Variants in LRBA observed in about 807,000 individuals in gnomAD.
LRBA encodes the protein LPS responsive beige-like anchor protein, also known as lipopolysaccharide-responsive and beige-like anchor protein.
LRBA carries 176 observed loss-of-function variants against 330.0 expected under a neutral mutation model. That is an observed-to-expected ratio of 0.53 (90% CI 0.47 to 0.60). The LOEUF is 0.60. Ranked by LOEUF, LRBA falls within the 20% of genes least tolerant of loss-of-function variation. The probability of loss-of-function intolerance (pLI) is 0.00; values close to 1 mark genes in which losing one functional copy is unlikely to be tolerated. For synonymous variants in LRBA, 1,230 were observed against 1,193.0 expected, an observed-to-expected ratio of 1.03 and a Z score of -0.64; for missense variants, 3,259 against 3,444.8, an observed-to-expected ratio of 0.95 and a Z score of 1.35.
chr4:150,386,575 T>C (rs535369116), intron 47 of LRBA, among the ~76,000 whole-genome samples: 27 of 152,148 alleles, frequency 1.8e-4, no homozygotes, highest in Admixed American at 2.6e-4. Context: ...GCTCCACCCA[T>C]GTCCCTGCAA....
intron 40 of LRBA, among the ~76,000 whole-genome samples, chr4:150,525,475 C>T (rs956119445): frequency 1.3e-5 from 2 of 152,086 alleles, no homozygotes; most frequent in Non-Finnish European, 1.5e-5. Context: ...GCTAGATAAA[C>T]GGCCTACCTG....
chr4:150,318,101 G>A (rs529193409), intron 50 of LRBA, among the ~76,000 whole-genome samples: 33 of 152,266 alleles, frequency 2.2e-4, no homozygotes, highest in South Asian at 8.3e-4. Flanking sequence ...CCAGTCAGTG[G>A]CAGAGTTTGA....
chr4:150,702,864 G>A (rs1785244851), intron 36 of LRBA, among the ~76,000 whole-genome samples: 1 of 152,054 alleles, frequency 6.6e-6, no homozygotes, highest in Non-Finnish European at 1.5e-5. Flanking sequence ...AATTTTCATA[G>A]AGATTTAAAT....
At chr4:150,957,468 G>C (rs1358594590) in intron 2 of LRBA, among the ~76,000 whole-genome samples, 1 of 148,558 alleles carries the variant, frequency 6.7e-6, no homozygotes, top group Non-Finnish European at 1.5e-5. Context: ...ACAACATGTG[G>C]GAATTGTGGG....
chr4:150,788,504 AT>A (rs1739414542), intron 34 of LRBA, among the ~76,000 whole-genome samples: 1 of 152,144 alleles, frequency 6.6e-6, no homozygotes, highest in African/African-American at 2.4e-5. Flanking sequence ...AATAAAAAAC[AT>A]TTATTAAAAT....
At chr4:150,809,922 T>TACGATACGAG (rs1560850444) in intron 31 of LRBA, among the ~76,000 whole-genome samples, 12 of 126,632 alleles carry the variant, frequency 9.5e-5, no homozygotes, top group African/African-American at 3.6e-4. Flanking sequence ...TACGATACGA[T>TACGATACGAG]ACGATACGAT....
In LRBA at chr4:150,600,523, A is replaced by C. The variant is rs1045310079; in HGVS notation, c.5922-1392T>G. ...AGAAAATCTTTTTAAAACAGTAGAG[A>C]CTGATCTCTGAAAATGCTGAAGGGA... is the stretch of plus-strand genomic sequence containing the variant. On this transcript the variant is annotated intron_variant, in intron 37 of 56. Coordinates refer to ENST00000651943, the MANE Select transcript of LRBA (RefSeq NM_001364905.1). Among the ~76,000 whole-genome samples, 12 of 152,174 alleles carry C rather than the reference A, an allele frequency of 7.9e-5. No individual in the cohort carries two copies. In the East Asian group the frequency reaches 2.1e-3, roughly 27 times the overall value.
At chr4:150,671,893 A>G (rs377553642) in intron 37 of LRBA, among the ~76,000 whole-genome samples, 16 of 152,202 alleles carry the variant, frequency 1.1e-4, no homozygotes, top group African/African-American at 3.6e-4. Context: ...ATAGACAACT[A>G]TTGCAAATTG....
At chr4:150,616,855 T>C (rs910312369) in intron 37 of LRBA, among the ~76,000 whole-genome samples, 1 of 152,184 alleles carries the variant, frequency 6.6e-6, no homozygotes, top group Non-Finnish European at 1.5e-5. Flanking sequence ...TGCCATAGAA[T>C]TTTACAACAT....
At chr4:150,628,185 C>T (rs888056769) in intron 37 of LRBA, among the ~76,000 whole-genome samples, 2 of 152,148 alleles carry the variant, frequency 1.3e-5, no homozygotes, top group Admixed American at 1.3e-4. Flanking sequence ...ACAGTTAATA[C>T]TCTAAGGCCA....
rs571765944 is a variant in LRBA, at chr4:150,638,446, A to AAG, written c.5922-39316_5922-39315insCT. Among the ~76,000 whole-genome samples, 31 of 152,292 alleles carry AAG rather than the reference A, an allele frequency of 2.0e-4. No individual in the cohort carries two copies. In the East Asian group the frequency reaches 6.0e-3, roughly 29 times the overall value. ...CTTTTTGTTGGCTTAAAGATTTCTCACCTATATTTATGAGGGACCTCATTT... is the reference window on the plus strand; with the variant it reads ...CTTTTTGTTGGCTTAAAGATTTCTCAAGCCTATATTTATGAGGGACCTCATTT... On this transcript the variant is annotated intron_variant, in intron 37 of 56. Transcript: ENST00000651943.
chr4:150,520,927 T>C lies in LRBA; in HGVS notation c.6331-29892A>G, dbSNP rs528490366. 5.9e-5 allele frequency among the ~76,000 whole-genome samples: 9 copies of C among 152,356 alleles called. No homozygotes were observed. The South Asian group carries it at 8.3e-4, about 14-fold the overall frequency. ...ACCAACCTATATTGTGTTTTAGCTA[T>C]GTATTCATTTTCTTAAAAACAATAG... On this transcript the variant is annotated intron_variant, in intron 40 of 56. Coordinates refer to ENST00000651943, the MANE Select transcript of LRBA (RefSeq NM_001364905.1).
chr4:150,614,503 C>A (rs1775575738), intron 37 of LRBA, among the ~76,000 whole-genome samples: 1 of 152,066 alleles, frequency 6.6e-6, no homozygotes, highest in South Asian at 2.1e-4. Context: ...TTGAAACTTG[C>A]CTAAAATTGT....
chr4:150,373,249 CAAAG>C (rs1210857135), intron 47 of LRBA, among the ~76,000 whole-genome samples: 99 of 149,916 alleles, frequency 6.6e-4, no homozygotes, highest in African/African-American at 2.4e-3. Context: ...ATTTCTTACT[CAAAG>C]AGACTATGAG....
At chr4:150,736,923 C>T (rs370735333) in intron 35 of LRBA, among the ~76,000 whole-genome samples, 2 of 152,084 alleles carry the variant, frequency 1.3e-5, no homozygotes, top group East Asian at 3.9e-4. Context: ...AACAAAAATA[C>T]TACCTAAAAG....
At chr4:150,718,674 T>A (rs1728553478) in intron 36 of LRBA, among the ~76,000 whole-genome samples, 1 of 152,184 alleles carries the variant, frequency 6.6e-6, no homozygotes, top group South Asian at 2.1e-4. Context: ...CAACAATATT[T>A]ATTTGGAAAT....
At chr4:150,913,410 T>C (rs1732230986) in intron 9 of LRBA, among the ~76,000 whole-genome samples, 1 of 152,106 alleles carries the variant, frequency 6.6e-6, no homozygotes, top group African/African-American at 2.4e-5. Context: ...GAGGTTGCAA[T>C]GAGCCAAGAT....
intron 46 of LRBA, among the ~76,000 whole-genome samples, chr4:150,424,048 CTTGT>C (rs1749202495): frequency 6.6e-6 from 1 of 152,120 alleles, no homozygotes; most frequent in Admixed American, 6.6e-5. Context: ...ATTATAACTG[CTTGT>C]TTGTTTCTAT....
intron 42 of LRBA, among the ~76,000 whole-genome samples, chr4:150,486,297 A>T: frequency 6.6e-6 from 1 of 151,944 alleles, no homozygotes; most frequent in Non-Finnish European, 1.5e-5. Flanking sequence ...TCTAGGTAGC[A>T]CATAAATGAG....
Sources: allele counts gnomAD v4.1 joint callset (sites outside exome capture counted in the v4.1 genomes callset), GRCh38; gene constraint gnomAD v4.1.1; transcripts MANE v1.5; gene names NCBI Gene and HGNC (gene_info 2026-07-23, HGNC 2026-07-21).